The following CCNH variants were observed in gnomAD, a reference collection of about 807,000 sequenced individuals.
CCNH encodes cyclin H.
CCNH carries 31 observed loss-of-function variants against 41.9 expected under a neutral mutation model. The ratio of observed to expected loss-of-function variants is 0.74; its 90% CI spans 0.56 to 1.00. CCNH has a LOEUF of 1.00. Ranked by LOEUF, CCNH falls within the 50% of genes least tolerant of loss-of-function variation. The pLI is 0.00. For synonymous variants in CCNH, 138 were observed against 136.1 expected (o/e 1.01, Z -0.10); for missense variants, 362 against 388.4 (o/e 0.93, Z 0.57).
At chr5:87,349,582 T>A (rs1310378062) in intron 9 of CCNH, among the ~76,000 whole-genome samples, 2 of 151,944 alleles carry the variant, frequency 1.3e-5, no homozygotes, top group Non-Finnish European at 2.9e-5. Flanking sequence ...TCCAAAACAA[T>A]TTTTGTGATT....
Position 87,410,065 on chromosome 5 carries a change from G to T in CCNH, c.241-702C>A, listed in dbSNP as rs1197292692. On this transcript the variant is annotated intron_variant, in intron 2 of 8. Coordinates refer to ENST00000256897, the MANE Select transcript of CCNH (RefSeq NM_001239.4). ...TAATAAGGAACAGGAATGAATTCAA[G>T]TAAGACCTGCCTGTACTTTTAACCA... is the stretch of plus-strand genomic sequence containing the variant. Among the ~76,000 whole-genome samples, 3 of 152,186 alleles carry T rather than the reference G, an allele frequency of 2.0e-5. No individual in the cohort carries two copies. The East Asian group carries it at 5.8e-4, about 29-fold the overall frequency.
downstream of CCNH, chr5:87,393,807 AAAC>A (rs1356299581): frequency 6.6e-6 from 1 of 151,982 alleles, no homozygotes; most frequent in Non-Finnish European, 1.5e-5. Context: ...CAAAATTAAA[AAAC>A]AACCACAACT....
chr5:87,379,594 A>G (rs904336070), upstream of CCNH: 3 of 1,188,938 alleles, frequency 2.5e-6, no homozygotes, highest in Non-Finnish European at 3.4e-6. Context: ...AAAAACTCCC[A>G]TTATACAAAG....
chr5:87,399,346 AC>A (rs1320736767), intron 7 of CCNH, 47 bp downstream of exon 7: 1 of 1,310,548 alleles, frequency 7.6e-7, no homozygotes. Flanking sequence ...AACCAGCTGG[AC>A]TGGATAACAG....
upstream of CCNH, among the ~76,000 whole-genome samples, chr5:87,379,355 C>T (rs938345435): frequency 2.0e-5 from 3 of 152,118 alleles, no homozygotes; most frequent in Non-Finnish European, 4.4e-5. Context: ...TCTGCTGACA[C>T]TAGATCAGAA....
At chr5:87,329,381 G>A (rs145012632) in intron 9 of CCNH, among the ~76,000 whole-genome samples, 1 of 152,198 alleles carries the variant, frequency 6.6e-6, no homozygotes, top group African/African-American at 2.4e-5. Context: ...GGTGGGGGTT[G>A]CAGTGAGCTG....
chr5:87,325,800 T>G (rs1439550216), intron 9 of CCNH, among the ~76,000 whole-genome samples: 6 of 152,234 alleles, frequency 3.9e-5, no homozygotes, highest in Non-Finnish European at 1.5e-5. Flanking sequence ...TCAAGTTAGT[T>G]GTAAATAATT....
At chr5:87,351,746 C>CT (rs1262783436) in intron 9 of CCNH, among the ~76,000 whole-genome samples, 7 of 151,728 alleles carry the variant, frequency 4.6e-5, no homozygotes, top group Non-Finnish European at 1.0e-4. Context: ...TAAAAAAACT[C>CT]TTAAGTCTAG....
chr5:87,336,964 C>CT (rs1327797742), intron 9 of CCNH, among the ~76,000 whole-genome samples: 1 of 151,954 alleles, frequency 6.6e-6, no homozygotes, highest in African/African-American at 2.4e-5. Flanking sequence ...TACAATGAAG[C>CT]TTGAGATAGC....
At chr5:87,363,623 C>G in intron 9 of CCNH, 1 of 1,177,132 alleles carries the variant, frequency 8.5e-7, no homozygotes. Context: ...GATGCACTTT[C>G]TAGGTAATTT....
chr5:87,382,952 G>T (rs1267020622), intron 9 of CCNH, among the ~76,000 whole-genome samples: 1 of 151,704 alleles, frequency 6.6e-6, no homozygotes, highest in South Asian at 2.1e-4. Flanking sequence ...AAATTGCCAG[G>T]TATGGTGATG....
rs1478222644 is a variant in CCNH at position 87,355,963 on chromosome 5, C to T, written c.*90+36807G>A. ...AGCTTGAAGATGTGACTGAATTACT[C>T]CACTTTTGTGATGAAACTGGAGCGA... On this transcript the variant is annotated intron_variant and NMD_transcript_variant, in intron 9 of 9. Transcript: ENST00000645953. Among the ~76,000 whole-genome samples the T allele has an allele frequency of 7.2e-5, 11 of 152,170 alleles. 1 individual carries two copies.
downstream of CCNH, among the ~76,000 whole-genome samples, chr5:87,393,170 G>A (rs1004385528): frequency 3.3e-5 from 5 of 152,036 alleles, no homozygotes; most frequent in African/African-American, 9.7e-5. Flanking sequence ...TAAAATAGAT[G>A]TAACTATAAT....
At chr5:87,398,189 T>C (rs974656451) in intron 7 of CCNH, among the ~76,000 whole-genome samples, 7 of 152,206 alleles carry the variant, frequency 4.6e-5, no homozygotes, top group Admixed American at 3.9e-4. Flanking sequence ...TTTGTCGTTA[T>C]ACCTATAACT....
At chr5:87,360,837 C>T (rs939845499) in intron 9 of CCNH, among the ~76,000 whole-genome samples, 6 of 152,096 alleles carry the variant, frequency 3.9e-5, no homozygotes, top group African/African-American at 7.2e-5. Context: ...TCTTTGCATT[C>T]GTTTTCTGAT....
rs1431875808 is a variant in CCNH at position 87,335,335 on chromosome 5, C to T, written c.*91-16438G>A. Among the ~76,000 whole-genome samples the T allele has an allele frequency of 2.0e-5, 3 of 149,320 alleles. No homozygotes were observed. In the East Asian group the frequency reaches 6.0e-4, roughly 30 times the overall value. On this transcript the variant is annotated intron_variant and NMD_transcript_variant, in intron 9 of 9. Transcript: ENST00000645953. ...TTTGAGTAAAAATTTGAATTTTAGACATTCTGTATTGGCCATCAAGAGTTT... is the reference window on the plus strand; with the variant it reads ...TTTGAGTAAAAATTTGAATTTTAGATATTCTGTATTGGCCATCAAGAGTTT...
chr5:87,345,863 T>G (rs1019237190), intron 9 of CCNH, among the ~76,000 whole-genome samples: 4 of 152,086 alleles, frequency 2.6e-5, no homozygotes, highest in African/African-American at 4.8e-5. Flanking sequence ...TGATCGGGAA[T>G]TGTCAGCCTG....
downstream of CCNH, among the ~76,000 whole-genome samples, chr5:87,314,395 T>C (rs765357372): frequency 6.6e-6 from 1 of 151,930 alleles, no homozygotes; most frequent in African/African-American, 2.4e-5. Flanking sequence ...TATAAAGAGA[T>C]GGAAGACCAG....
chr5:87,344,661 A>G (rs960924971), intron 9 of CCNH, among the ~76,000 whole-genome samples: 23 of 148,680 alleles, frequency 1.5e-4, no homozygotes, highest in African/African-American at 4.9e-4. Context: ...GTACCACCAC[A>G]CCTGGCAAAT....
Sources: allele counts gnomAD v4.1 joint callset (sites outside exome capture counted in the v4.1 genomes callset), GRCh38; gene constraint gnomAD v4.1.1; transcripts MANE v1.5; gene names NCBI Gene and HGNC (gene_info 2026-07-23, HGNC 2026-07-21).